The following RARB variants were observed in gnomAD, a reference collection of about 807,000 sequenced individuals.
RARB encodes retinoic acid receptor beta.
A neutral mutation model predicts 51.9 loss-of-function variants in RARB; 17 were observed. The observed-to-expected ratio is 0.33, with a 90% confidence interval of 0.22 to 0.49. RARB has a LOEUF of 0.49. Ranked by LOEUF, RARB falls within the 20% of genes least tolerant of loss-of-function variation. The probability of loss-of-function intolerance (pLI) is 0.99; values close to 1 mark genes in which losing one functional copy is unlikely to be tolerated. For synonymous variants in RARB, 215 were observed against 195.4 expected (o/e 1.10, Z -0.84); for missense variants, 369 against 550.8 (o/e 0.67, Z 3.30).
At chr3:24,903,104 A>G (rs1329150993) in intron 2 of RARB, among the ~76,000 whole-genome samples, 2 of 152,124 alleles carry the variant, frequency 1.3e-5, no homozygotes, top group Non-Finnish European at 2.9e-5. Context: ...TCCAAGTAGT[A>G]AATACATTTC....
chr3:25,080,917 G>T (rs945194763), intron 3 of RARB, among the ~76,000 whole-genome samples: 2 of 151,918 alleles, frequency 1.3e-5, no homozygotes, highest in East Asian at 1.9e-4. Flanking sequence ...CATTGCTTGT[G>T]CTTGTAGTTA....
At chr3:24,882,888 T>G (rs1703194848) in intron 2 of RARB, among the ~76,000 whole-genome samples, 1 of 152,204 alleles carries the variant, frequency 6.6e-6, no homozygotes, top group African/African-American at 2.4e-5. Context: ...TCTGACCAAT[T>G]ACACCTAGTT....
intron 5 of RARB, among the ~76,000 whole-genome samples, chr3:25,361,201 T>C (rs1447956808): frequency 6.6e-6 from 1 of 152,224 alleles, no homozygotes; most frequent in African/African-American, 2.4e-5. Flanking sequence ...TTCTCTAATC[T>C]TGTCTTTACG....
At chr3:24,879,758 C>T (rs1703120356) in intron 2 of RARB, among the ~76,000 whole-genome samples, 1 of 152,104 alleles carries the variant, frequency 6.6e-6, no homozygotes, top group South Asian at 2.1e-4. Context: ...TGAGGTCCTG[C>T]TAGGATTTCC....
At chr3:25,195,742 G>A (rs1701217001) in intron 5 of RARB, among the ~76,000 whole-genome samples, 1 of 151,990 alleles carries the variant, frequency 6.6e-6, no homozygotes, top group Non-Finnish European at 1.5e-5. Context: ...GGGAAGTTAA[G>A]TCTAAATTAA....
intron 5 of RARB, among the ~76,000 whole-genome samples, chr3:25,316,377 TA>T (rs1704425227): frequency 6.6e-6 from 1 of 151,774 alleles, no homozygotes; most frequent in South Asian, 2.1e-4. Context: ...ATACATGCAA[TA>T]AGGCCAAATT....
At chr3:24,895,448 T>C (rs1348457002) in intron 2 of RARB, among the ~76,000 whole-genome samples, 1 of 152,224 alleles carries the variant, frequency 6.6e-6, no homozygotes, top group African/African-American at 2.4e-5. Context: ...GATGAAGCCC[T>C]AGAGTTTGGG....
At chr3:25,589,811 C>G (rs1701543770) in intron 5 of RARB, among the ~76,000 whole-genome samples, 1 of 152,226 alleles carries the variant, frequency 6.6e-6, no homozygotes, top group Non-Finnish European at 1.5e-5. Flanking sequence ...GACAGCCTGG[C>G]CTAGGCTATT....
chr3:25,038,356 T>C (rs1025835461), intron 2 of RARB, among the ~76,000 whole-genome samples: 1 of 150,420 alleles, frequency 6.6e-6, no homozygotes, highest in African/African-American at 2.4e-5. Context: ...AAAAATTGTC[T>C]AATGGATAAA....
intron 2 of RARB, among the ~76,000 whole-genome samples, chr3:24,952,189 C>T (rs927995953): frequency 6.6e-6 from 1 of 151,926 alleles, no homozygotes; most frequent in Non-Finnish European, 1.5e-5. Context: ...GTCTGGGTAA[C>T]ATAGTGAGAC....
intron 2 of RARB, among the ~76,000 whole-genome samples, chr3:24,891,971 A>T (rs576947950): frequency 6.6e-6 from 1 of 152,104 alleles, no homozygotes; most frequent in Non-Finnish European, 1.5e-5. Flanking sequence ...ACCAAAGGAG[A>T]TGGTTGGCAT....
intron 2 of RARB, among the ~76,000 whole-genome samples, chr3:24,930,604 G>A (rs538635641): frequency 6.6e-6 from 1 of 152,174 alleles, no homozygotes; most frequent in Non-Finnish European, 1.5e-5. Flanking sequence ...ATACATGCTT[G>A]TCTATCAAAC....
At chr3:25,044,134 C>T (rs962714730) in intron 2 of RARB, among the ~76,000 whole-genome samples, 1 of 152,034 alleles carries the variant, frequency 6.6e-6, no homozygotes, top group East Asian at 1.9e-4. Flanking sequence ...ACAGCAAAAC[C>T]CTTTTAGTCA....
At chr3:25,213,829 A>C (rs550534959) in intron 5 of RARB, among the ~76,000 whole-genome samples, 2 of 152,340 alleles carry the variant, frequency 1.3e-5, no homozygotes, top group Admixed American at 6.5e-5. Context: ...TCCATAATGT[A>C]ATGATTAAAG....
At chr3:25,275,376 G>A (rs568216193) in intron 5 of RARB, among the ~76,000 whole-genome samples, 7 of 152,224 alleles carry the variant, frequency 4.6e-5, no homozygotes, top group East Asian at 1.9e-4. Flanking sequence ...TGGGAGGATC[G>A]AGTGAGCCTG....
chr3:25,569,069 G>A (rs1273112307), intron 3 of RARB, among the ~76,000 whole-genome samples: 1 of 152,258 alleles, frequency 6.6e-6, no homozygotes, highest in Non-Finnish European at 1.5e-5. Flanking sequence ...CAGTGTTCCA[G>A]ACACAACGTG....
chr3:25,343,816 T>G (rs1441169484), intron 5 of RARB, among the ~76,000 whole-genome samples: 1 of 152,202 alleles, frequency 6.6e-6, no homozygotes, highest in Admixed American at 6.5e-5. Context: ...TGGCAAAGTT[T>G]GGGAGCTGCT....
chr3:25,241,089 C>T (rs918648742), intron 5 of RARB, among the ~76,000 whole-genome samples: 2 of 152,046 alleles, frequency 1.3e-5, no homozygotes, highest in Non-Finnish European at 2.9e-5. Context: ...TATATATTTC[C>T]CCTGGGTTTT....
At chr3:25,448,885 C>T (rs1376381306) in intron 1 of RARB, among the ~76,000 whole-genome samples, 3 of 152,130 alleles carry the variant, frequency 2.0e-5, no homozygotes, top group Admixed American at 6.5e-5. Context: ...CTCTCACCCC[C>T]CTCCACCCCC....
Sources: gnomAD v4.1 joint callset for allele counts (sites outside exome capture counted in the v4.1 genomes callset) on GRCh38, gnomAD v4.1.1 for gene constraint, MANE v1.5 for transcripts, NCBI Gene and HGNC (gene_info 2026-07-23, HGNC 2026-07-21) for gene names.